Variants in PPM1B observed in about 807,000 individuals in gnomAD.
PPM1B encodes protein phosphatase, Mg2+/Mn2+ dependent 1B.
Under a neutral mutation model 43.0 loss-of-function variants are expected in PPM1B, and 22 were observed. That is an observed-to-expected ratio of 0.51 (90% confidence interval 0.37 to 0.73). The LOEUF is 0.73. PPM1B is among the 30% of genes least tolerant of loss of function. The probability of loss-of-function intolerance (pLI) is 0.00; values close to 1 mark genes in which losing one functional copy is unlikely to be tolerated. For missense variants in PPM1B, 632 were observed against 584.2 expected (o/e 1.08, Z -0.84); for synonymous variants, 217 against 197.9 (o/e 1.10, Z -0.81).
chr2:44,242,553 A>G (rs1341242841), intron 5 of PPM1B, among the ~76,000 whole-genome samples: 2 of 152,220 alleles, frequency 1.3e-5, no homozygotes, highest in Non-Finnish European at 2.9e-5. Context: ...CCTTTCAGGA[A>G]GAGGGTACAC....
chr2:44,210,696 C>T (rs1257015430), intron 3 of PPM1B, among the ~76,000 whole-genome samples: 3 of 152,032 alleles, frequency 2.0e-5, no homozygotes, highest in African/African-American at 7.2e-5. Context: ...CTTCCCTCTC[C>T]ACCTCTCTCT....
chr2:44,219,892 G>A (rs1268829828), intron 5 of PPM1B, among the ~76,000 whole-genome samples: 3 of 150,702 alleles, frequency 2.0e-5, no homozygotes, highest in South Asian at 2.1e-4. Flanking sequence ...GTGGTGAGCC[G>A]AGATCATGCC....
At chr2:44,239,627 A>T (rs1338206405), downstream of PPM1B, among the ~76,000 whole-genome samples, 3 of 152,174 alleles carry the variant, frequency 2.0e-5, no homozygotes, top group Non-Finnish European at 4.4e-5. Context: ...TAAGTGTGAA[A>T]ACCCAATCAT....
At chr2:44,213,400 TAG>T (rs1669573916) in intron 3 of PPM1B, among the ~76,000 whole-genome samples, 1 of 151,512 alleles carries the variant, frequency 6.6e-6, no homozygotes, top group African/African-American at 2.4e-5. Context: ...GATGGTATAA[TAG>T]TTCGTTGAAT....
chr2:44,192,221 G>GTATTGTATTA (rs1394442552), intron 1 of PPM1B, among the ~76,000 whole-genome samples: 47 of 150,996 alleles, frequency 3.1e-4, no homozygotes, highest in African/African-American at 1.1e-3. Context: ...GTATTGTATT[G>GTATTGTATTA]TATTGTATTG....
At chr2:44,171,338 A>T (rs1478884584) in intron 1 of PPM1B, among the ~76,000 whole-genome samples, 2 of 152,222 alleles carry the variant, frequency 1.3e-5, no homozygotes, top group East Asian at 1.9e-4. Flanking sequence ...GTGTCCAAGT[A>T]ACTGTGCTTC....
intron 3 of PPM1B, among the ~76,000 whole-genome samples, chr2:44,212,149 A>T (rs993545614): frequency 6.6e-6 from 1 of 152,156 alleles, no homozygotes; most frequent in African/African-American, 2.4e-5. Context: ...TTCCTGTTCT[A>T]TTCATTGTAT....
At chr2:44,213,069 C>CCCT (rs1475269166) in intron 3 of PPM1B, among the ~76,000 whole-genome samples, 1 of 146,582 alleles carries the variant, frequency 6.8e-6, no homozygotes, top group African/African-American at 2.5e-5. Flanking sequence ...TTAGTGGTTA[C>CCCT]CCTGAGAAAA....
Position 44,213,341 on chromosome 2 carries a change from C to CT in PPM1B, c.964+4028dup, listed in dbSNP as rs752341341. On this transcript the variant is annotated intron_variant, in intron 3 of 5. Transcript: ENST00000282412. ...CTCCTAACACTTTTATGTTTTGATT[C>CT]TTTTTTTTTTTTTTGGAGAAAATAC... 5.2e-3 allele frequency among the ~76,000 whole-genome samples: 663 copies of CT among 128,570 alleles called. 1 individual carries two copies. The highest frequency in any genetic ancestry group is 0.011 in the African/African-American group (399 of 35,014). 84.3% of individuals were successfully genotyped at this position (128,570 alleles called of 152,430 possible).
intron 5 of PPM1B, among the ~76,000 whole-genome samples, chr2:44,225,185 C>T (rs1057495900): frequency 1.3e-5 from 2 of 152,160 alleles, no homozygotes; most frequent in African/African-American, 4.8e-5. Flanking sequence ...GTTCTTAGCA[C>T]AAATATTATT....
chr2:44,190,520 C>T (rs1317444815), intron 1 of PPM1B, among the ~76,000 whole-genome samples: 1 of 152,092 alleles, frequency 6.6e-6, no homozygotes, highest in African/African-American at 2.4e-5. Context: ...TCCTGTATCA[C>T]TTTTTGAAGC....
chr2:44,213,642 A>G (rs1317386755), intron 3 of PPM1B: 5 of 151,024 alleles, frequency 3.3e-5, no homozygotes, highest in Non-Finnish European at 7.3e-5. Context: ...CAATGTGCTT[A>G]AAGTTTTTTT....
chr2:44,230,191 A>G (rs1419081884), intron 5 of PPM1B: 4 of 1,420,838 alleles, frequency 2.8e-6, no homozygotes, highest in Non-Finnish European at 2.8e-6. Context: ...GTGAAATAAG[A>G]CATAAACTAG....
chr2:44,229,535 T>C (rs1169234912), intron 5 of PPM1B, among the ~76,000 whole-genome samples: 2 of 152,162 alleles, frequency 1.3e-5, no homozygotes, highest in Admixed American at 1.3e-4. Flanking sequence ...CATATGATTG[T>C]TTTCTCATGT....
chr2:44,192,413 G>A (rs894630161), intron 1 of PPM1B, among the ~76,000 whole-genome samples: 4 of 151,742 alleles, frequency 2.6e-5, no homozygotes, highest in Non-Finnish European at 4.4e-5. Flanking sequence ...ATGGGGTTTC[G>A]CCATGTTGGC....
downstream of PPM1B, among the ~76,000 whole-genome samples, chr2:44,237,737 G>A (rs1162517758): frequency 6.6e-6 from 1 of 152,056 alleles, no homozygotes; most frequent in Non-Finnish European, 1.5e-5. Flanking sequence ...CACCTATAAT[G>A]CATTTAAGAT....
chr2:44,230,576 C>T lies in PPM1B; in HGVS notation c.1298C>T (p.Ala433Val), dbSNP rs889701331. 6.2e-7 allele frequency: 1 copy of T among 1,614,138 alleles called. No individual in the cohort carries two copies. The highest frequency in any genetic ancestry group is 8.5e-7 in the Non-Finnish European group (1 of 1,180,022). ...GGAGAAGAAAGCCCTGCTGAACCAG[C>T]TGCCACAGCTACTTCTTCGAACAGT... The part of the protein sequence containing the change: ...VEGEESPAEP[A>V]ATATSSNSDA... The change falls in exon 6 of 6, where the codon GCT (alanine) becomes GTT (valine). Residue 433 changes from alanine to valine, a missense_variant. This residue lies in a region of PPM1B where 392 missense variants were observed against 302.7 expected (regional missense o/e 1.29). Coordinates refer to ENST00000282412, the MANE Select transcript of PPM1B (RefSeq NM_002706.6).
rs200934518 is a variant in PPM1B, at chr2:44,209,343, T to C, written c.964+16T>C. 140 of 1,613,412 alleles carry C rather than the reference T, an allele frequency of 8.7e-5. No individual in the cohort carries two copies. The African/African-American group carries it at 1.7e-3, about 20-fold the overall frequency. On this transcript the variant is annotated intron_variant, in intron 3 of 5. Transcript: ENST00000282412. The stretch of plus-strand genomic sequence containing the variant: ...CGGGTTGAAGGTAAGACAAATGCTT[T>C]TTAAAAATATAGACAGGCCAGGCAC...
intron 3 of PPM1B, among the ~76,000 whole-genome samples, chr2:44,214,013 T>C (rs182408425): frequency 2.0e-5 from 3 of 152,306 alleles, no homozygotes; most frequent in Admixed American, 2.0e-4. Flanking sequence ...TGTGAACTTA[T>C]CCAACTTGCT....
Sources: allele counts gnomAD v4.1 joint callset (sites outside exome capture counted in the v4.1 genomes callset), GRCh38; gene constraint gnomAD v4.1.1; regional missense constraint gnomAD v4.1.1; transcripts MANE v1.5; gene names NCBI Gene and HGNC (gene_info 2026-07-23, HGNC 2026-07-21).